The following CADPS variants were observed in gnomAD, a reference collection of about 807,000 sequenced individuals.
CADPS encodes the protein calcium-dependent secretion activator 1.
In CADPS, 57 loss-of-function variants were observed where a neutral mutation model predicts 167.3. The observed-to-expected ratio is 0.34, with a 90% CI of 0.28 to 0.42. The LOEUF (loss-of-function observed/expected upper bound fraction) is 0.42, where lower values mean the gene tolerates loss of function less well. Ranked by LOEUF, CADPS falls within the 20% of genes least tolerant of loss-of-function variation. The probability of loss-of-function intolerance (pLI) is 1.00; values close to 1 mark genes in which losing one functional copy is unlikely to be tolerated. For missense variants in CADPS, 1,414 were observed against 1,738.1 expected (o/e 0.81, Z 3.32); for synonymous variants, 676 against 635.3 (o/e 1.06, Z -0.96).
chr3:62,506,172 G>C (rs917131191), intron 17 of CADPS, among the ~76,000 whole-genome samples: 1 of 152,008 alleles, frequency 6.6e-6, no homozygotes, highest in Non-Finnish European at 1.5e-5. Flanking sequence ...GGAGGATCAC[G>C]AGGTCAGGAG....
At chr3:62,648,050 A>T (rs1225164733) in intron 5 of CADPS, among the ~76,000 whole-genome samples, 1 of 152,150 alleles carries the variant, frequency 6.6e-6, no homozygotes, top group Admixed American at 6.5e-5. Context: ...ATGCAAGTGT[A>T]TAATTATGTA....
At chr3:62,631,974 T>C (rs1322527081) in intron 6 of CADPS, among the ~76,000 whole-genome samples, 1 of 152,190 alleles carries the variant, frequency 6.6e-6, no homozygotes, top group Non-Finnish European at 1.5e-5. Context: ...TGACCAACTG[T>C]CTGTTTGCCC....
rs116628133 is a variant in CADPS at position 62,706,123 on chromosome 3, T to C, written c.889-43729A>G. 7.3e-3 allele frequency among the ~76,000 whole-genome samples: 1,104 copies of C among 152,190 alleles called. 26 individuals are homozygous for C. Among genetic ancestry groups the C allele is most frequent in the African/African-American group, 0.025 (1,034 of 41,464 alleles). Reference sequence around the variant, plus strand: ...GAGTGTGGCAGCTGCTTTTCCACTTTAGGGACTTTGGTAGGCATTCCTTTT... The same window carrying C: ...GAGTGTGGCAGCTGCTTTTCCACTTCAGGGACTTTGGTAGGCATTCCTTTT... On this transcript the variant is annotated intron_variant, in intron 3 of 29. Coordinates refer to ENST00000383710, the MANE Select transcript of CADPS (RefSeq NM_003716.4).
chr3:62,409,171 G>C (rs1223107495), intron 28 of CADPS, among the ~76,000 whole-genome samples: 1 of 152,230 alleles, frequency 6.6e-6, no homozygotes, highest in African/African-American at 2.4e-5. Context: ...GCAGCCTATG[G>C]TCACACAACT....
chr3:62,664,700 G>A (rs905219631), intron 3 of CADPS, among the ~76,000 whole-genome samples: 1 of 152,208 alleles, frequency 6.6e-6, no homozygotes, highest in Non-Finnish European at 1.5e-5. Flanking sequence ...AGAGCCAAAT[G>A]ATTTGGTTAG....
intron 3 of CADPS, among the ~76,000 whole-genome samples, chr3:62,671,388 G>A (rs141138257): frequency 4.6e-5 from 7 of 152,128 alleles, no homozygotes; most frequent in Non-Finnish European, 1.0e-4. Context: ...ATTCAAAGAA[G>A]AGAGTGGGTG....
At chr3:62,811,061 G>C (rs1195578853) in intron 1 of CADPS, among the ~76,000 whole-genome samples, 1 of 152,182 alleles carries the variant, frequency 6.6e-6, no homozygotes, top group Admixed American at 6.5e-5. Context: ...ACTGGGACCC[G>C]TGGTTCTTAG....
chr3:62,775,565 G>C (rs1164689625), intron 1 of CADPS, among the ~76,000 whole-genome samples: 1 of 152,086 alleles, frequency 6.6e-6, no homozygotes, highest in Non-Finnish European at 1.5e-5. Flanking sequence ...TTTATTATTA[G>C]CAAAAAATAT....
intron 11 of CADPS, among the ~76,000 whole-genome samples, chr3:62,543,749 T>C (rs1487742561): frequency 6.6e-6 from 1 of 152,132 alleles, no homozygotes; most frequent in Admixed American, 6.6e-5. Context: ...GCATTCAGAA[T>C]ACTCAAATAC....
At position 62,446,952 on chromosome 3, in the gene CADPS, C is replaced by T. The variant is rs2057314385; in HGVS notation, c.3637-1155G>A. Among the ~76,000 whole-genome samples the T allele has an allele frequency of 1.3e-5, 2 of 152,116 alleles. No individual in the cohort carries two copies. The highest frequency in any genetic ancestry group is 1.3e-4 in the Admixed American group (2 of 15,274). ...CTTCCTCCTGCAATTTGGCTGAGAT[C>T]AATATTAGGAATCAAGCTTCACCCA... On this transcript the variant is annotated intron_variant, in intron 26 of 29. Coordinates refer to ENST00000383710, the MANE Select transcript of CADPS (RefSeq NM_003716.4). This position sits in a 1 kb window ranked among gnomAD's most constrained non-coding sequence, Gnocchi z 4.9.
intron 13 of CADPS, among the ~76,000 whole-genome samples, chr3:62,525,171 G>A (rs1377379406): frequency 6.6e-6 from 1 of 152,000 alleles, no homozygotes; most frequent in Non-Finnish European, 1.5e-5. Flanking sequence ...TTGCACCAAT[G>A]GAATAGGTAA....
At chr3:62,547,962 T>C (rs1425403849) in intron 11 of CADPS, among the ~76,000 whole-genome samples, 3 of 152,108 alleles carry the variant, frequency 2.0e-5, no homozygotes. Context: ...TCTGGGCAGA[T>C]GATAGAACAG....
At position 62,438,028 on chromosome 3, in the gene CADPS, T is replaced by A. The variant is rs1560379617; in HGVS notation, c.3777+76A>T. On this transcript the variant is annotated intron_variant, in intron 28 of 29. Transcript: ENST00000383710. This position sits in a 1 kb window ranked among gnomAD's most constrained non-coding sequence, Gnocchi z 4.7. ...ATCCATTTTCTCAAAATGTGACTTATCCTCCTGTCTCTTATTTTGTCACAT... is the reference window on the plus strand; with the variant it reads ...ATCCATTTTCTCAAAATGTGACTTAACCTCCTGTCTCTTATTTTGTCACAT... 1 of 936,846 alleles carries A rather than the reference T, an allele frequency of 1.1e-6. No individual in the cohort carries two copies. The highest frequency in any genetic ancestry group is 1.6e-5 in the African/African-American group (1 of 61,028). 58.0% of individuals were successfully genotyped at this position (936,846 alleles called of 1,614,324 possible). A position where few individuals can be genotyped will look rare whatever the true frequency, so the allele number is the denominator to read the frequency against.
intron 28 of CADPS, among the ~76,000 whole-genome samples, chr3:62,436,956 A>C (rs1215074529): frequency 6.6e-6 from 1 of 152,106 alleles, no homozygotes; most frequent in Non-Finnish European, 1.5e-5. Flanking sequence ...GCAGAATCAG[A>C]AAGCGGTGCC....
intron 1 of CADPS, among the ~76,000 whole-genome samples, chr3:62,845,718 A>G (rs1014359033): frequency 2.0e-5 from 3 of 152,046 alleles, no homozygotes; most frequent in African/African-American, 7.3e-5. Flanking sequence ...ACTATCATCT[A>G]TCTCTTCCTG....
At chr3:62,476,430 A>G (rs559264233) in intron 23 of CADPS, among the ~76,000 whole-genome samples, 1 of 152,262 alleles carries the variant, frequency 6.6e-6, no homozygotes, top group African/African-American at 2.4e-5. Context: ...GGACATCAGG[A>G]AATTTAAGTG....
chr3:62,461,262 T>C (rs1461939326), intron 26 of CADPS, among the ~76,000 whole-genome samples: 1 of 152,244 alleles, frequency 6.6e-6, no homozygotes, highest in Non-Finnish European at 1.5e-5. Context: ...GTAGCTCTTA[T>C]AGTTATTTTA....
chr3:62,626,237 A>T (rs1284796007), intron 6 of CADPS: 1 of 284,094 alleles, frequency 3.5e-6, no homozygotes, highest in African/African-American at 2.3e-5. Flanking sequence ...AGACAAAGCC[A>T]GCTAAGGGGG....
At chr3:62,820,381 C>T (rs1250109123) in intron 1 of CADPS, among the ~76,000 whole-genome samples, 1 of 152,162 alleles carries the variant, frequency 6.6e-6, no homozygotes, top group Non-Finnish European at 1.5e-5. Context: ...GAATTGCCTA[C>T]CCCTCCAGAT....
Sources: gnomAD v4.1 joint callset for allele counts (sites outside exome capture counted in the v4.1 genomes callset) on GRCh38, gnomAD v4.1.1 for gene constraint, Gnocchi (gnomAD v3.1) non-coding constraint, MANE v1.5 for transcripts, NCBI Gene and HGNC (gene_info 2026-07-23, HGNC 2026-07-21) for gene names.